PKD1: variants seen among roughly 807,000 people sequenced by gnomAD.
The protein encoded by PKD1 is polycystin-1.
In PKD1, 81 loss-of-function variants were observed where a neutral mutation model predicts 361.7. The observed-to-expected ratio is 0.22, with a 90% CI of 0.19 to 0.27. The LOEUF (loss-of-function observed/expected upper bound fraction) is 0.27, where lower values mean the gene tolerates loss of function less well. PKD1 is among the 10% of genes least tolerant of loss of function. The probability of loss-of-function intolerance (pLI) is 1.00; values close to 1 mark genes in which losing one functional copy is unlikely to be tolerated. For missense variants in PKD1, 6,399 were observed against 6,118.3 expected (o/e 1.05, Z -1.53); for synonymous variants, 3,615 against 2,818.3 (o/e 1.28, Z -8.95).
rs200233435 is a variant in PKD1, at chr16:2,110,379, G to T, written c.4788C>A (p.Thr1596=). The T allele has an allele frequency of 6.2e-7, 1 of 1,612,594 alleles. No homozygotes were observed. The highest frequency in any genetic ancestry group is 8.5e-7 in the Non-Finnish European group (1 of 1,179,840). Residue 1596 remains threonine, a synonymous_variant, in exon 15 of 46, where the codon ACC becomes ACA. Coordinates refer to ENST00000262304, the MANE Select transcript of PKD1 (RefSeq NM_001009944.3). ...CCACGGAGCGGAAGGTGTAAGAGAT[G>T]GTAGGACCCCCAGGGATGGGCGTGC... ...DRCTPIPGGP[T]ISYTFRSVGT... is the part of the protein sequence containing the mutation.
rs1192742371 is a variant in PKD1, at chr16:2,106,187, C to T, written c.7607G>A (p.Gly2536Glu). 2.5e-6 allele frequency: 4 copies of T among 1,610,096 alleles called. No homozygotes were observed. The Admixed American group carries it at 5.0e-5, about 20-fold the overall frequency. ...CCTGAAACCCGGGGGCAGCACGGCT[C>T]CGTAGCTGGAGAGGCTGCCCTTGTA... ...CVYKGSLSSY[G>E]AVLPPGFRPH... Residue 2536 changes from glycine to glutamate, a missense_variant, in exon 19 of 46, where the codon GGA becomes GAA. Physicochemically the swap from Gly to Glu is moderately conservative, Grantham distance 98 (BLOSUM62 -2). Coordinates refer to ENST00000262304, the MANE Select transcript of PKD1 (RefSeq NM_001009944.3). The surrounding 1 kb of genome is among the most constrained non-coding windows in gnomAD (Gnocchi z 6.5).
In PKD1 at chr16:2,108,991, T is replaced by A; in HGVS notation, c.6176A>T (p.Asp2059Val). 6.2e-7 allele frequency: 1 copy of A among 1,610,306 alleles called. No homozygotes were observed. Among genetic ancestry groups the A allele is most frequent in the Non-Finnish European group, 8.5e-7 (1 of 1,179,280 alleles). Residue 2059 changes from aspartate to valine, a missense_variant, in exon 15 of 46, where the codon GAC becomes GTC. Transcript: ENST00000262304. ...CTGCAGGGCCACATACTGGACGGCG[T>A]CCTGAACCTCCAGCACCAGCGTGCG... ...ENRTLVLEVQ[D>V]AVQYVALQSG...
Position 2,118,363 on chromosome 16 carries a change from C to G in PKD1, c.629G>C (p.Cys210Ser). The change falls in exon 5 of 46, where the codon TGC becomes TCC. Residue 210 changes from cysteine (C) to serine (S), a missense_variant. Physicochemically the swap from Cys to Ser is moderately radical, Grantham distance 112 (BLOSUM62 -1). Transcript: ENST00000262304. The surrounding 1 kb of genome is among the most constrained non-coding windows in gnomAD (Gnocchi z 6.0). ...GCCGGTGGAGAAGCAGAAGGCGCTGCAGGCCTCTGGCTGAAGCAGGCCTTC... is the reference window on the plus strand; with the variant it reads ...GCCGGTGGAGAAGCAGAAGGCGCTGGAGGCCTCTGGCTGAAGCAGGCCTTC... ...AHEGLLQPEA[C>S]SAFCFSTGQG... 1 of 1,345,726 alleles carries G rather than the reference C, an allele frequency of 7.4e-7. No individual in the cohort carries two copies. The highest frequency in any genetic ancestry group is 1.0e-6 in the Non-Finnish European group (1 of 975,114). 83.4% of individuals were successfully genotyped at this position (1,345,726 alleles called of 1,614,324 possible).
intron 30 of PKD1, chr16:2,099,244 G>C (rs1368636810): frequency 5.6e-6 from 2 of 355,198 alleles, no homozygotes; most frequent in South Asian, 2.2e-5. Flanking sequence ...TTACAGGCGT[G>C]AGCCACCACA....
Position 2,118,508 on chromosome 16 carries a change from C to CCA in PKD1, c.530-48_530-47dup, listed in dbSNP as rs1438772089. 2.8e-6 allele frequency: 4 copies of CCA among 1,407,126 alleles called. No homozygotes were observed. The Admixed American group carries it at 7.8e-5, about 27-fold the overall frequency. 87.2% of individuals were successfully genotyped at this position (1,407,126 alleles called of 1,614,324 possible). On this transcript the variant is annotated intron_variant, in intron 4 of 45. Transcript: ENST00000262304. The surrounding 1 kb of genome is among the most constrained non-coding windows in gnomAD (Gnocchi z 6.0). ...ACCCCGGGTTCTGCTCCTCCTGGCT[C>CCA]CACCCCACGCCCCCACATCCGCCCG...
At chr16:2,131,680 G>T (rs534578217) in intron 1 of PKD1, among the ~76,000 whole-genome samples, 110 of 151,428 alleles carry the variant, frequency 7.3e-4, no homozygotes, top group African/African-American at 2.6e-3. Flanking sequence ...AAAATTAGCC[G>T]GGCGTGGTGG....
In PKD1 at chr16:2,106,435, C is replaced by T. The variant is rs1300269540; in HGVS notation, c.7452G>A (p.Val2484=). The T allele has an allele frequency of 1.9e-6, 3 of 1,589,318 alleles. No homozygotes were observed. Among genetic ancestry groups the T allele is most frequent in the South Asian group, 1.1e-5 (1 of 89,198 alleles). ...GSCRLFPLGA[V]HALTTKVHFE... ...AGTGCACCTTGGTGGTGAGGGCGTG[C>T]ACAGCGCCCAGTGGGAAGAGGCGGC... Residue 2484 remains valine, a synonymous_variant, in exon 18 of 46, where the codon GTG becomes GTA. Coordinates refer to ENST00000262304, the MANE Select transcript of PKD1 (RefSeq NM_001009944.3). The surrounding 1 kb of genome is among the most constrained non-coding windows in gnomAD (Gnocchi z 6.5).
chr16:2,110,403 G>A lies in PKD1; in HGVS notation c.4764C>T (p.Cys1588=), dbSNP rs376144237. The A allele has an allele frequency of 1.6e-5, 25 of 1,612,516 alleles. No individual in the cohort carries two copies. The highest frequency in any genetic ancestry group is 2.0e-5 in the Non-Finnish European group (24 of 1,179,860). Reference sequence around the variant, plus strand: ...TGGTAGGACCCCCAGGGATGGGCGTGCAGCGGTCACAGAGCACCCAGGAAT... The same window carrying A: ...TGGTAGGACCCCCAGGGATGGGCGTACAGCGGTCACAGAGCACCCAGGAAT... The part of the protein sequence containing the change: ...VRYSWVLCDR[C]TPIPGGPTIS... Residue 1588 remains cysteine, a synonymous_variant, in exon 15 of 46, where the codon TGC becomes TGT. Coordinates refer to ENST00000262304, the MANE Select transcript of PKD1 (RefSeq NM_001009944.3).
Position 2,114,544 on chromosome 16 carries a change from T to C in PKD1, c.2479A>G (p.Ile827Val). 3.8e-6 allele frequency: 6 copies of C among 1,594,112 alleles called. No homozygotes were observed. Among genetic ancestry groups the C allele is most frequent in the Non-Finnish European group, 5.1e-6 (6 of 1,178,856 alleles). ...VVSPVAGLRVIYPAPRDGRLY... is the reference protein window; with the variant it reads ...VVSPVAGLRVVYPAPRDGRLY... ...CGGCCGTCGCGGGGGGCAGGGTAGA[T>C]GACCCGCAGCCCAGCCACTGGGGAG... The change falls in exon 11 of 46, where the codon ATC (isoleucine) becomes GTC (valine). Residue 827 changes from isoleucine (I) to valine (V), a missense_variant. Coordinates refer to ENST00000262304, the MANE Select transcript of PKD1 (RefSeq NM_001009944.3).
Position 2,091,056 on chromosome 16 carries a change from A to T in PKD1, c.11831T>A (p.Leu3944Gln), listed in dbSNP as rs2091494966. 1 of 1,521,694 alleles carries T rather than the reference A, an allele frequency of 6.6e-7. No individual in the cohort carries two copies. Among genetic ancestry groups the T allele is most frequent in the Non-Finnish European group, 8.8e-7 (1 of 1,140,158 alleles). 94.3% of individuals were successfully genotyped at this position (1,521,694 alleles called of 1,614,324 possible). Residue 3944 changes from leucine (L) to glutamine (Q), a missense_variant, in exon 43 of 46, where the codon CTG becomes CAG. By Grantham distance (113) the Leu-to-Gln change is moderately radical. Transcript: ENST00000262304. ...GCGTACCAGTGCCGTGGCCGCCGTC[A>T]GCGCCACCAGCAGCCACCGCGCCCA... ...GAWARWLLVA[L>Q]TAATALVRLA... is the part of the protein sequence containing the mutation.
rs549616616 is a variant in PKD1, at chr16:2,101,736, G to A, written c.9397+325C>T. ...GTGCTGGCGCCTCCGTCTGAGAGAC[G>A]AGCTATGCAGTCAGGATCGCGGGTG... is the stretch of plus-strand genomic sequence containing the variant. On this transcript the variant is annotated intron_variant, in intron 26 of 45. Transcript: ENST00000262304. Among the ~76,000 whole-genome samples, 5 of 152,390 alleles carry A rather than the reference G, an allele frequency of 3.3e-5. No homozygotes were observed. The East Asian group carries it at 9.6e-4, about 29-fold the overall frequency.
In PKD1 at chr16:2,105,634, G is replaced by A. The variant is rs550556112; in HGVS notation, c.7864-160C>T. 5 of 1,529,092 alleles carry A rather than the reference G, an allele frequency of 3.3e-6. No individual in the cohort carries two copies. In the African/African-American group the frequency reaches 4.1e-5, roughly 13 times the overall value. 94.7% of individuals were successfully genotyped at this position (1,529,092 alleles called of 1,614,324 possible). On this transcript the variant is annotated intron_variant, in intron 20 of 45. Transcript: ENST00000262304. Reference sequence around the variant, plus strand: ...GCTGTTTCTTCATGGGCAAAACAGGGTAAGCACATGGGCCCTCCTGGGCGG... The same window carrying A: ...GCTGTTTCTTCATGGGCAAAACAGGATAAGCACATGGGCCCTCCTGGGCGG...
intron 1 of PKD1, chr16:2,123,641 T>C (rs1404259116): frequency 2.4e-6 from 1 of 420,680 alleles, no homozygotes; most frequent in Non-Finnish European, 4.8e-6. Context: ...CCCCACGTTC[T>C]GGTTCCCTGC....
rs1311400784 is a variant in PKD1, at chr16:2,097,131, G to A, written c.10499+17C>T. Reference sequence around the variant, plus strand: ...CTCCTCTGGCAATCCCCCCTCCCCCGAGAGCCGGACACTCACAGGCTGCTG... The same window carrying A: ...CTCCTCTGGCAATCCCCCCTCCCCCAAGAGCCGGACACTCACAGGCTGCTG... On this transcript the variant is annotated intron_variant, in intron 34 of 45. Transcript: ENST00000262304. The A allele has an allele frequency of 4.7e-6, 6 of 1,282,570 alleles. No individual in the cohort carries two copies. The highest frequency in any genetic ancestry group is 1.6e-5 in the African/African-American group (1 of 62,984). The allele number at this position is 1,282,570 out of a possible 1,614,324, so 79.4% of individuals were successfully genotyped here.
Position 2,088,992 on chromosome 16 carries a change from G to C in PKD1, c.*735C>G, listed in dbSNP as rs1044559724. The stretch of plus-strand genomic sequence containing the variant: ...TCTGACATGCCTAGTCCTGCTACTT[G>C]CCCAGACCTGATGCCAGCAGGCCTG... On this transcript the variant is annotated 3_prime_UTR_variant, in exon 46 of 46. Transcript: ENST00000262304. 7.5e-6 allele frequency: 2 copies of C among 266,640 alleles called. No individual in the cohort carries two copies. Among genetic ancestry groups the C allele is most frequent in the African/African-American group, 4.5e-5 (2 of 44,772 alleles). The allele number at this position is 266,640 out of a possible 1,614,324, so 16.5% of individuals were successfully genotyped here.
Position 2,090,971 on chromosome 16 carries a change from G to T in PKD1, c.11916C>A (p.Arg3972=). ...CCACCTGGTCGAAGCTAGTGAAGCG[G>T]CGCGGGCGGCCGCGCACGAAACGGG... ...QWTRFVRGRP[R]RFTSFDQVAQ... The change falls in exon 43 of 46, where the codon CGC becomes CGA. Residue 3972 remains arginine (R), a synonymous_variant. Transcript: ENST00000262304. 4 of 1,543,084 alleles carry T rather than the reference G, an allele frequency of 2.6e-6. No homozygotes were observed. Among genetic ancestry groups the T allele is most frequent in the African/African-American group, 2.7e-5 (2 of 73,516 alleles).
chr16:2,099,502 C>T, intron 30 of PKD1, 142 bp downstream of exon 30: 2 of 720,336 alleles, frequency 2.8e-6, no homozygotes, highest in South Asian at 3.0e-5. Flanking sequence ...GCTAAGGCTG[C>T]TCAAGTGTGT....
chr16:2,091,630 T>G, intron 41 of PKD1, 33 bp from the exon 42 acceptor site: 1 of 1,560,682 alleles, frequency 6.4e-7, no homozygotes, highest in Non-Finnish European at 8.6e-7. Flanking sequence ...TAGGAGCGGG[T>G]GGCAGGGCGG....
rs1307764865 is a variant in PKD1 at position 2,110,841 on chromosome 16, A to G, written c.4326T>C (p.Leu1442=). The G allele has an allele frequency of 1.2e-6, 2 of 1,611,816 alleles. No individual in the cohort carries two copies. The highest frequency in any genetic ancestry group is 1.7e-6 in the Non-Finnish European group (2 of 1,179,840). The change falls in exon 15 of 46, where the codon CTT becomes CTC. Residue 1442 remains leucine (L), a synonymous_variant. Coordinates refer to ENST00000262304, the MANE Select transcript of PKD1 (RefSeq NM_001009944.3). The stretch of plus-strand genomic sequence containing the variant: ...TGTTGTTGGACGCGGTGACTGTCAC[A>G]AGATAGGAGCCTGGGTCTCGGTAGA... ...TFIYRDPGSY[L]VTVTASNNIS...
Sources: gnomAD v4.1 joint callset for allele counts (sites outside exome capture counted in the v4.1 genomes callset) on GRCh38, gnomAD v4.1.1 for gene constraint, Gnocchi (gnomAD v3.1) non-coding constraint, MANE v1.5 for transcripts, NCBI Gene and HGNC (gene_info 2026-07-23, HGNC 2026-07-21) for gene names.